SYNE2: variants seen among roughly 807,000 people sequenced by gnomAD.
The protein encoded by SYNE2 is nesprin-2.
SYNE2 carries 431 observed loss-of-function variants against 856.3 expected under a neutral mutation model. That is an observed-to-expected ratio of 0.50 (90% CI 0.47 to 0.55). The LOEUF is 0.55. Among genes scored for constraint, SYNE2 ranks in the 20% least tolerant of loss-of-function variants. The probability of loss-of-function intolerance (pLI) is 0.00; values close to 1 mark genes in which losing one functional copy is unlikely to be tolerated. For missense variants in SYNE2, 8,129 were observed against 8,023.2 expected (o/e 1.01, Z -0.50); for synonymous variants, 2,923 against 2,872.3 (o/e 1.02, Z -0.56).
In SYNE2 at chr14:64,078,515, A is replaced by G; in HGVS notation, c.11072A>G (p.Lys3691Arg). 1 of 1,614,160 alleles carries G rather than the reference A, an allele frequency of 6.2e-7. No homozygotes were observed. The highest frequency in any genetic ancestry group is 1.1e-5 in the South Asian group (1 of 91,088). Reference sequence around the variant, plus strand: ...TCACCATCATATGCAATGAGGAGAAAAATAGAAGAAATTAACAATGGGCTT... The same window carrying G: ...TCACCATCATATGCAATGAGGAGAAGAATAGAAGAAATTAACAATGGGCTT... The part of the protein sequence containing the change: ...KSSPSYAMRR[K>R]IEEINNGLHN... Residue 3691 changes from lysine (K) to arginine (R), a missense_variant, in exon 55 of 116, where the codon AAA becomes AGA. Physicochemically the swap from Lys to Arg is conservative, Grantham distance 26. Coordinates refer to ENST00000555002, the MANE Select transcript of SYNE2 (RefSeq NM_182914.3).
intron 74 of SYNE2, among the ~76,000 whole-genome samples, chr14:64,129,344 A>G (rs2097987248): frequency 6.6e-6 from 1 of 152,186 alleles, no homozygotes; most frequent in Non-Finnish European, 1.5e-5. Context: ...ATATTTAAGG[A>G]TGGACCCAGC....
chr14:63,830,579 T>C (rs189175084), intron 1 of SYNE2, among the ~76,000 whole-genome samples: 2 of 151,872 alleles, frequency 1.3e-5, no homozygotes, highest in Admixed American at 1.3e-4. Flanking sequence ...GAGGATTGCA[T>C]GAGCCCAGGT....
intron 1 of SYNE2, among the ~76,000 whole-genome samples, chr14:63,838,745 G>T (rs530852571): frequency 6.6e-6 from 1 of 152,134 alleles, no homozygotes; most frequent in African/African-American, 2.4e-5. Flanking sequence ...CTGGGCTCAA[G>T]TGATCCTCTC....
chr14:64,090,768 A>G (rs1339935900), intron 59 of SYNE2, 98 bp from the exon 60 acceptor site: 2 of 1,096,572 alleles, frequency 1.8e-6, no homozygotes, highest in African/African-American at 1.6e-5. Context: ...AAAAATGCAA[A>G]CTATAAAAAC....
chr14:64,169,718 T>C (rs1262392098), intron 93 of SYNE2, among the ~76,000 whole-genome samples: 1 of 152,200 alleles, frequency 6.6e-6, no homozygotes, highest in Non-Finnish European at 1.5e-5. Flanking sequence ...TTCTATTTGA[T>C]CTGTACAGAA....
intron 6 of SYNE2, 146 bp from the exon 7 acceptor site, chr14:63,949,679 C>T: frequency 1.2e-6 from 1 of 835,528 alleles, no homozygotes; most frequent in Non-Finnish European, 2.0e-6. Context: ...TGCTGTTATT[C>T]AAGGATTTGC....
At chr14:64,196,478 C>T (rs1044979873) in intron 99 of SYNE2, among the ~76,000 whole-genome samples, 3 of 152,136 alleles carry the variant, frequency 2.0e-5, no homozygotes, top group Admixed American at 6.5e-5. Flanking sequence ...TTGCACAAAG[C>T]AGATAAACTA....
At chr14:64,104,743 G>A (rs781387586) in intron 64 of SYNE2, among the ~76,000 whole-genome samples, 9 of 152,146 alleles carry the variant, frequency 5.9e-5, no homozygotes, top group South Asian at 2.1e-4. Context: ...GAGCCACTGC[G>A]CCCGGCCTCT....
rs1341033021 is a variant in SYNE2, at chr14:64,143,697, G to A, written c.15307-75G>A. ...ATGGACGGGAGCTTGGTGCCCCCTC[G>A]AGCACATAAAGGGAAATCCATTTGA... is the stretch of plus-strand genomic sequence containing the variant. On this transcript the variant is annotated intron_variant, in intron 82 of 115. Coordinates refer to ENST00000555002, the MANE Select transcript of SYNE2 (RefSeq NM_182914.3). The A allele has an allele frequency of 1.1e-5, 17 of 1,530,812 alleles. No individual in the cohort carries two copies. The South Asian group carries it at 1.4e-4, about 12-fold the overall frequency. 94.8% of individuals were successfully genotyped at this position (1,530,812 alleles called of 1,614,324 possible).
intron 51 of SYNE2, among the ~76,000 whole-genome samples, chr14:64,070,276 A>G (rs530587318): frequency 4.1e-4 from 62 of 152,352 alleles, no homozygotes; most frequent in Non-Finnish European, 7.3e-4. Context: ...TCCATATCCA[A>G]TAGTTGCCCA....
intron 102 of SYNE2, 23 bp from the exon 103 acceptor site, chr14:64,209,919 C>G: frequency 1.9e-6 from 3 of 1,614,032 alleles, no homozygotes; most frequent in Non-Finnish European, 2.5e-6. Flanking sequence ...TGCTTTGGCT[C>G]TGACCCCTCC....
intron 8 of SYNE2, chr14:63,960,639 G>A (rs1320429562): frequency 1.7e-6 from 1 of 589,670 alleles, no homozygotes; most frequent in Non-Finnish European, 3.1e-6. Flanking sequence ...TTCATTGCTT[G>A]TTTAGGTCAA....
In SYNE2 at chr14:64,202,964, G is replaced by C; in HGVS notation, c.18201+1G>C. On this transcript the variant is annotated splice_donor_variant, in intron 100 of 115. Coordinates refer to ENST00000555002, the MANE Select transcript of SYNE2 (RefSeq NM_182914.3). LOFTEE classifies it high-confidence loss of function. ...CCAGAAGAGGCTCGCTGAGCAGCAG[G>C]TGGGACAATCAGAAATGAGCTCTTG... 11 of 1,614,080 alleles carry C rather than the reference G, an allele frequency of 6.8e-6. No individual in the cohort carries two copies. Among genetic ancestry groups the C allele is most frequent in the Non-Finnish European group, 9.3e-6 (11 of 1,180,028 alleles).
chr14:63,867,278 G>T (rs910436923), intron 1 of SYNE2, among the ~76,000 whole-genome samples: 4 of 151,584 alleles, frequency 2.6e-5, no homozygotes, highest in African/African-American at 9.7e-5. Flanking sequence ...ACATTTATAT[G>T]AGCATTCAAC....
At position 63,769,287 on chromosome 14, in the gene SYNE2, G is replaced by C. The variant is rs143042871; in HGVS notation, c.-305+7301G>C. ...ATCAGGAAGGCCATTAAATATTACA[G>C]GGGTAGGCCAGGCATGTTGGCTCAT... On this transcript the variant is annotated intron_variant, in intron 1 of 23. Coordinates refer to the SYNE2 transcript ENST00000674003. Among the ~76,000 whole-genome samples, 1,193 of 152,212 alleles carry C rather than the reference G, an allele frequency of 7.8e-3. 5 individuals carry two copies. Among genetic ancestry groups the C allele is most frequent in the Non-Finnish European group, 0.012 (790 of 68,006 alleles).
At chr14:64,111,421 A>G (rs1204783824) in intron 65 of SYNE2, among the ~76,000 whole-genome samples, 29 of 152,196 alleles carry the variant, frequency 1.9e-4, no homozygotes, top group Admixed American at 1.8e-3. Context: ...GCAATATCTG[A>G]AAACTAGAAG....
At chr14:64,219,091 C>CT in intron 109 of SYNE2, 117 bp from the exon 110 acceptor site, 1 of 901,874 alleles carries the variant, frequency 1.1e-6, no homozygotes, top group Non-Finnish European at 1.6e-6. Context: ...GGGGAATCCC[C>CT]TACAGTTTTT....
chr14:63,910,985 TA>T lies in SYNE2; in HGVS notation c.79+1760del, dbSNP rs2095466676. Reference sequence around the variant, plus strand: ...GCTTTTTCTTTTGTTTGTTTTGTTTTAACATTTCTGTTCAATGGCTCCCTAT... The same window carrying T: ...GCTTTTTCTTTTGTTTGTTTTGTTTTACATTTCTGTTCAATGGCTCCCTAT... On this transcript the variant is annotated intron_variant, in intron 2 of 115. Transcript: ENST00000555002. 1.1e-4 allele frequency among the ~76,000 whole-genome samples: 16 copies of T among 152,354 alleles called. 1 individual carries two copies. In the South Asian group the frequency reaches 3.3e-3, roughly 32 times the overall value.
chr14:63,874,114 T>G (rs1322698960), intron 1 of SYNE2: 2 of 152,334 alleles, frequency 1.3e-5, no homozygotes, highest in African/African-American at 4.8e-5. Context: ...GCTGTGTGCT[T>G]CCTTCTCTCC....
Sources: allele counts gnomAD v4.1 joint callset (sites outside exome capture counted in the v4.1 genomes callset), GRCh38; gene constraint gnomAD v4.1.1; transcripts MANE v1.5; gene names NCBI Gene and HGNC (gene_info 2026-07-23, HGNC 2026-07-21).